The following CNTNAP5 variants were observed in gnomAD, a reference collection of about 807,000 sequenced individuals.
CNTNAP5 encodes the protein contactin associated protein family member 5, also known as contactin-associated protein-like 5.
Under a neutral mutation model 150.2 loss-of-function variants are expected in CNTNAP5, and 72 were observed. The ratio of observed to expected loss-of-function variants is 0.48; its 90% CI spans 0.40 to 0.58. The LOEUF (loss-of-function observed/expected upper bound fraction) is 0.58. Among genes scored for constraint, CNTNAP5 ranks in the 20% least tolerant of loss-of-function variants. The pLI, the probability that CNTNAP5 is intolerant of heterozygous loss-of-function variation, is 0.00. For synonymous variants in CNTNAP5, 672 were observed against 619.8 expected, an observed-to-expected ratio of 1.08 and a Z score of -1.25; for missense variants, 1,636 against 1,626.2, an observed-to-expected ratio of 1.01 and a Z score of -0.10.
At chr2:124,465,158 A>T (rs188525968) in intron 6 of CNTNAP5, among the ~76,000 whole-genome samples, 11 of 152,268 alleles carry the variant, frequency 7.2e-5, no homozygotes, top group South Asian at 2.1e-4. Flanking sequence ...AAAATAAATA[A>T]ATAAAATAAG....
rs552774668 is a variant in CNTNAP5, at chr2:124,527,436, T to A, written c.1629T>A (p.Asp543Glu). The A allele has an allele frequency of 6.2e-7, 1 of 1,613,320 alleles. No homozygotes were observed. Among genetic ancestry groups the A allele is most frequent in the Admixed American group, 1.7e-5 (1 of 60,010 alleles). ...SLGNFSDLHIDLCSIKDRCLP... is the reference protein window; with the variant it reads ...SLGNFSDLHIELCSIKDRCLP... The stretch of plus-strand genomic sequence containing the variant: ...GGAATTTTAGTGATTTACACATTGA[T>A]CTGTGTAGCATCAAAGACAGGTAAT... Residue 543 changes from aspartate to glutamate, a missense_variant, in exon 10 of 24, where the codon GAT becomes GAA. Coordinates refer to ENST00000682447, the MANE Select transcript of CNTNAP5 (RefSeq NM_001367498.1).
chr2:124,125,028 A>G (rs1043179160), intron 1 of CNTNAP5, among the ~76,000 whole-genome samples: 7 of 152,276 alleles, frequency 4.6e-5, no homozygotes, highest in African/African-American at 1.7e-4. Context: ...CAACCAGCTA[A>G]ATCAAAATAA....
At chr2:124,167,560 T>C (rs1224952618) in intron 1 of CNTNAP5, among the ~76,000 whole-genome samples, 1 of 152,200 alleles carries the variant, frequency 6.6e-6, no homozygotes, top group Non-Finnish European at 1.5e-5. Context: ...GGGGAAAAAC[T>C]GATTTCACTA....
chr2:124,224,060 T>C (rs569135419), intron 2 of CNTNAP5, among the ~76,000 whole-genome samples: 9 of 152,072 alleles, frequency 5.9e-5, no homozygotes, highest in Non-Finnish European at 1.0e-4. Context: ...CTGGAGAGCT[T>C]TGCAAGGAGC....
intron 19 of CNTNAP5, among the ~76,000 whole-genome samples, chr2:124,814,242 T>C (rs960361943): frequency 6.7e-6 from 1 of 150,188 alleles, no homozygotes; most frequent in Non-Finnish European, 1.5e-5. Flanking sequence ...GCTCGAATCC[T>C]CTTTTTTTTT....
chr2:124,872,415 T>TGTGC (rs1553450844), intron 21 of CNTNAP5, among the ~76,000 whole-genome samples: 2 of 144,126 alleles, frequency 1.4e-5, no homozygotes, highest in African/African-American at 5.2e-5. Flanking sequence ...TGTGTGTGTG[T>TGTGC]GCGTGCATGT....
At position 124,706,942 on chromosome 2, in the gene CNTNAP5, G is replaced by GAA. The variant is rs1279361313; in HGVS notation, c.2078-40287_2078-40286insAA. Among the ~76,000 whole-genome samples, 493 of 95,392 alleles carry GAA rather than the reference G, an allele frequency of 5.2e-3. 33 individuals are homozygous for GAA. Among genetic ancestry groups the GAA allele is most frequent in the African/African-American group, 0.016 (457 of 28,254 alleles). The allele number at this position is 95,392 out of a possible 152,430, so 62.6% of individuals were successfully genotyped here. On this transcript the variant is annotated intron_variant, in intron 13 of 23. Coordinates refer to ENST00000682447, the MANE Select transcript of CNTNAP5 (RefSeq NM_001367498.1). Reference sequence around the variant, plus strand: ...AGAAGAAGAAGAAGAAGAAGAAGAAGGAGGAGGAGGAGGAGGAGGAGGAGA... The same window carrying GAA: ...AGAAGAAGAAGAAGAAGAAGAAGAAGAAGAGGAGGAGGAGGAGGAGGAGGAGA...
intron 3 of CNTNAP5, among the ~76,000 whole-genome samples, chr2:124,347,137 G>T (rs1249106956): frequency 2.0e-5 from 3 of 151,966 alleles, no homozygotes; most frequent in Non-Finnish European, 4.4e-5. Context: ...ATAAATTTGT[G>T]TTTTCTGAGC....
intron 13 of CNTNAP5, among the ~76,000 whole-genome samples, chr2:124,725,672 T>C (rs1680141412): frequency 6.6e-6 from 1 of 152,106 alleles, no homozygotes; most frequent in Non-Finnish European, 1.5e-5. Context: ...CCAGACCTTA[T>C]TCTGCATAAC....
intron 16 of CNTNAP5, among the ~76,000 whole-genome samples, chr2:124,769,570 C>G (rs115223685): frequency 1.0e-3 from 152 of 152,264 alleles, no homozygotes; most frequent in African/African-American, 3.3e-3. Context: ...CTATGTCCAC[C>G]TCTTCAGCAA....
At chr2:124,172,436 A>G (rs1684955437) in intron 1 of CNTNAP5, among the ~76,000 whole-genome samples, 1 of 152,092 alleles carries the variant, frequency 6.6e-6, no homozygotes, top group African/African-American at 2.4e-5. Context: ...CTTTTGAGAC[A>G]TGGCCTCACT....
chr2:124,515,829 C>A (rs1306022634), intron 8 of CNTNAP5, among the ~76,000 whole-genome samples: 1 of 152,100 alleles, frequency 6.6e-6, no homozygotes, highest in Non-Finnish European at 1.5e-5. Context: ...TGGAAAATAG[C>A]CTGAAAAGAC....
intron 21 of CNTNAP5, among the ~76,000 whole-genome samples, chr2:124,902,545 A>C (rs1488598490): frequency 6.6e-6 from 1 of 152,202 alleles, no homozygotes; most frequent in Non-Finnish European, 1.5e-5. Flanking sequence ...ATAATGATAC[A>C]AATTTTATAA....
At chr2:124,888,321 A>C (rs990451765) in intron 21 of CNTNAP5, among the ~76,000 whole-genome samples, 3 of 152,114 alleles carry the variant, frequency 2.0e-5, no homozygotes, top group African/African-American at 7.2e-5. Flanking sequence ...GTGTATATGT[A>C]CCACATTTTC....
At chr2:124,412,786 AACCTAGGCATT>A (rs1691805983) in intron 3 of CNTNAP5, among the ~76,000 whole-genome samples, 3 of 97,464 alleles carry the variant, frequency 3.1e-5, no homozygotes, top group Admixed American at 1.2e-4. Context: ...CCTAGAAGAA[AACCTAGGCATT>A]ACCATTCAGG....
intron 3 of CNTNAP5, among the ~76,000 whole-genome samples, chr2:124,353,286 CAAAAAAAAAA>C (rs565907115): frequency 1.1e-5 from 1 of 88,262 alleles, no homozygotes; most frequent in African/African-American, 4.3e-5. Flanking sequence ...AAAAACAGAC[CAAAAAAAAAA>C]AAAAAAAAAA....
At chr2:124,081,745 T>C (rs938793223) in intron 1 of CNTNAP5, among the ~76,000 whole-genome samples, 2 of 152,176 alleles carry the variant, frequency 1.3e-5, no homozygotes, top group African/African-American at 4.8e-5. Context: ...AAGGATCCAC[T>C]CATTCCTTAT....
chr2:124,825,182 C>T (rs975560771), intron 19 of CNTNAP5, among the ~76,000 whole-genome samples: 8 of 152,178 alleles, frequency 5.3e-5, no homozygotes, highest in African/African-American at 1.9e-4. Context: ...TATCTACACT[C>T]TATTTTCTTG....
intron 3 of CNTNAP5, among the ~76,000 whole-genome samples, chr2:124,255,090 G>A (rs917935535): frequency 6.6e-6 from 1 of 152,140 alleles, no homozygotes; most frequent in Non-Finnish European, 1.5e-5. Flanking sequence ...TGTACTAGAA[G>A]AGAATAGGAA....
Sources: allele counts gnomAD v4.1 joint callset (sites outside exome capture counted in the v4.1 genomes callset), GRCh38; gene constraint gnomAD v4.1.1; transcripts MANE v1.5; gene names NCBI Gene and HGNC (gene_info 2026-07-23, HGNC 2026-07-21).